The following FHAD1 variants were observed in gnomAD, a reference collection of about 807,000 sequenced individuals.
FHAD1 encodes the protein forkhead-associated domain-containing protein 1.
Under a neutral mutation model 191.3 loss-of-function variants are expected in FHAD1, and 146 were observed. The observed-to-expected ratio is 0.76, with a 90% CI of 0.67 to 0.88. The LOEUF (loss-of-function observed/expected upper bound fraction) is 0.88. FHAD1 is among the 40% of genes least tolerant of loss of function. The pLI is 0.00. For missense variants in FHAD1, 1,635 were observed against 1,785.8 expected, an observed-to-expected ratio of 0.92 and a Z score of 1.52; for synonymous variants, 616 against 672.3, an observed-to-expected ratio of 0.92 and a Z score of 1.29.
At position 15,388,087 on chromosome 1, in the gene FHAD1, G is replaced by T; in HGVS notation, c.4225G>T (p.Glu1409Ter). ...VEEHELRNAK[E>*]STPCNCAFKE... ...GGAGCACGAACTGAGAAACGCAAAA[G>T]AATCGACACCTTGCAACTGTGCCTT... Residue 1409 changes from glutamate (E) to a stop codon, truncating the protein, a stop_gained, in exon 32 of 34, where the codon GAA becomes TAA. Transcript: ENST00000688493. LOFTEE classifies it high-confidence loss of function. 7.8e-7 allele frequency: 1 copy of T among 1,289,894 alleles called. No homozygotes were observed. The allele number at this position is 1,289,894 out of a possible 1,614,324, so 79.9% of individuals were successfully genotyped here.
At chr1:15,374,807 T>C (rs1483869624) in intron 27 of FHAD1, among the ~76,000 whole-genome samples, 176 bp downstream of exon 27, 1 of 151,906 alleles carries the variant, frequency 6.6e-6, no homozygotes, top group Non-Finnish European at 1.5e-5. Context: ...CAGGCCTTGA[T>C]ATTAAATAAA....
Position 15,251,808 on chromosome 1 carries a change from AG to A in FHAD1, c.25del (p.Glu9LysfsTer6). 1 of 1,552,264 alleles carries A rather than the reference AG, an allele frequency of 6.4e-7. No homozygotes were observed. The highest frequency in any genetic ancestry group is 8.7e-7 in the Non-Finnish European group (1 of 1,147,134). On this transcript the variant is annotated frameshift_variant, in exon 2 of 34. Transcript: ENST00000688493. LOFTEE classifies it high-confidence loss of function. ...GGATGAAGGCCTATCTAAAGAGCGC[AG>A]AAGGCTTTTTTGTCCTAAATAAAAG... Reference protein sequence around the residue: MKAYLKSAEGFFVLNKSTT... With the variant: MKAYLKSAXGFFVLNKSTT...
At chr1:15,270,946 T>G (rs1243422043) in intron 2 of FHAD1, among the ~76,000 whole-genome samples, 1 of 151,936 alleles carries the variant, frequency 6.6e-6, no homozygotes, top group Non-Finnish European at 1.5e-5. Flanking sequence ...GAGACCATCC[T>G]GGCTAACATG....
chr1:15,293,357 T>A (rs1161446050), intron 4 of FHAD1, among the ~76,000 whole-genome samples: 1 of 152,184 alleles, frequency 6.6e-6, no homozygotes, highest in Admixed American at 6.5e-5. Flanking sequence ...GTAGTGTATG[T>A]TTTTCATGTG....
At chr1:15,395,870 G>C (rs1000542671) in intron 33 of FHAD1, among the ~76,000 whole-genome samples, 1 of 152,098 alleles carries the variant, frequency 6.6e-6, no homozygotes, top group African/African-American at 2.4e-5. Flanking sequence ...TCTTCTTCCA[G>C]TGTGGCCCAG....
chr1:15,354,806 T>G (rs148611209), intron 20 of FHAD1, among the ~76,000 whole-genome samples: 1 of 152,234 alleles, frequency 6.6e-6, no homozygotes, highest in Non-Finnish European at 1.5e-5. Context: ...CGTGGAAATA[T>G]GACCATTCTT....
At chr1:15,340,921 C>G (rs1686370408) in intron 15 of FHAD1, among the ~76,000 whole-genome samples, 1 of 152,134 alleles carries the variant, frequency 6.6e-6, no homozygotes, top group Admixed American at 6.5e-5. Flanking sequence ...GTGGCTCATG[C>G]CTGTAATCCC....
At chr1:15,386,853 T>C (rs900244751) in intron 31 of FHAD1, among the ~76,000 whole-genome samples, 2 of 151,714 alleles carry the variant, frequency 1.3e-5, no homozygotes, top group Non-Finnish European at 2.9e-5. Context: ...TTCTTTCTTT[T>C]TTTTTTTGTT....
Position 15,325,858 on chromosome 1 carries a change from G to GC in FHAD1, c.1474-1201_1474-1200insC, listed in dbSNP as rs1678338598. Reference sequence around the variant, plus strand: ...CTGTATCTCCAAGGCCCTGCTCCCTGTCCAATAGTCTGCCCTTCCCCAGCC... The same window carrying GC: ...CTGTATCTCCAAGGCCCTGCTCCCTGCTCCAATAGTCTGCCCTTCCCCAGCC... On this transcript the variant is annotated intron_variant, in intron 11 of 33. Coordinates refer to ENST00000688493, the MANE Select transcript of FHAD1 (RefSeq NM_001391957.1). This position sits in a 1 kb window ranked among gnomAD's most constrained non-coding sequence, Gnocchi z 4.6. The GC allele has an allele frequency of 6.5e-6, 1 of 152,906 alleles. No homozygotes were observed. Among genetic ancestry groups the GC allele is most frequent in the Non-Finnish European group, 1.5e-5 (1 of 68,596 alleles). The allele number at this position is 152,906 out of a possible 1,614,324, so 9.5% of individuals were successfully genotyped here.
chr1:15,239,257 A>T (rs766018821), intron 1 of FHAD1, among the ~76,000 whole-genome samples: 2 of 152,070 alleles, frequency 1.3e-5, no homozygotes, highest in Non-Finnish European at 2.9e-5. Context: ...GCTGCATGTC[A>T]GGTACTGCTC....
chr1:15,246,209 C>T (rs1374605180), upstream of FHAD1, among the ~76,000 whole-genome samples: 2 of 152,020 alleles, frequency 1.3e-5, no homozygotes, highest in East Asian at 3.9e-4. Flanking sequence ...AACTCACTCG[C>T]TATCATGAGA....
At chr1:15,314,369 G>T (rs1031024547) in intron 8 of FHAD1, 1 of 152,146 alleles carries the variant, frequency 6.6e-6, no homozygotes, top group African/African-American at 2.4e-5. Flanking sequence ...GGAGCCCCGG[G>T]GGCACACAGA....
intron 2 of FHAD1, among the ~76,000 whole-genome samples, chr1:15,271,526 A>T (rs1573843537): frequency 6.6e-6 from 1 of 152,162 alleles, no homozygotes; most frequent in African/African-American, 2.4e-5. Flanking sequence ...TCCTTTGGGG[A>T]AACATGGTCA....
At chr1:15,392,688 T>G (rs1704498270) in intron 33 of FHAD1, among the ~76,000 whole-genome samples, 1 of 152,110 alleles carries the variant, frequency 6.6e-6, no homozygotes, top group Non-Finnish European at 1.5e-5. Flanking sequence ...TGCTTGCTCA[T>G]AAAAAAAGTG....
At chr1:15,326,721 CTT>C (rs1678777189) in intron 11 of FHAD1, 1 of 203,228 alleles carries the variant, frequency 4.9e-6, no homozygotes, top group African/African-American at 2.3e-5. Flanking sequence ...CTGGTGCCAA[CTT>C]AGCAATTACG....
chr1:15,322,219 G>A (rs1676563254), intron 10 of FHAD1, among the ~76,000 whole-genome samples: 1 of 152,098 alleles, frequency 6.6e-6, no homozygotes, highest in African/African-American at 2.4e-5. Flanking sequence ...AGGCAGTGGG[G>A]AGCTACTGAG....
rs1684641882 is a variant in FHAD1 at position 15,337,399 on chromosome 1, T to A, written c.1907-2082T>A. On this transcript the variant is annotated intron_variant, in intron 14 of 33. Coordinates refer to ENST00000688493, the MANE Select transcript of FHAD1 (RefSeq NM_001391957.1). ...AAGGCTTTCCCTTTCTTCCCTCTCA[T>A]CCTCACTTCTCCCACCCTCAGTTAG... Among the ~76,000 whole-genome samples, 7 of 152,138 alleles carry A rather than the reference T, an allele frequency of 4.6e-5. No homozygotes were observed. The South Asian group carries it at 1.4e-3, about 32-fold the overall frequency.
chr1:15,355,942 A>AG (rs1692624230), intron 20 of FHAD1, among the ~76,000 whole-genome samples: 1 of 152,036 alleles, frequency 6.6e-6, no homozygotes, highest in African/African-American at 2.4e-5. Flanking sequence ...ACTTGAAAAA[A>AG]AAAAAAAAAC....
At chr1:15,382,660 C>T (rs1368330161) in intron 31 of FHAD1, among the ~76,000 whole-genome samples, 2 of 152,122 alleles carry the variant, frequency 1.3e-5, no homozygotes, top group Admixed American at 1.3e-4. Context: ...AGATGGATGT[C>T]CTTGAAGAAC....
Sources: gnomAD v4.1 joint callset for allele counts (sites outside exome capture counted in the v4.1 genomes callset) on GRCh38, gnomAD v4.1.1 for gene constraint, Gnocchi (gnomAD v3.1) non-coding constraint, MANE v1.5 for transcripts, NCBI Gene and HGNC (gene_info 2026-07-23, HGNC 2026-07-21) for gene names.